SPNS1: variants seen among roughly 807,000 people sequenced by gnomAD.
SPNS1 encodes protein spinster homolog 1.
Under a neutral mutation model 50.3 loss-of-function variants are expected in SPNS1, and 22 were observed. The observed-to-expected ratio is 0.44, with a 90% CI of 0.31 to 0.62. The LOEUF is 0.62. SPNS1 is among the 20% of genes least tolerant of loss of function. SPNS1 has a pLI of 0.07. For synonymous variants in SPNS1, 295 were observed against 317.4 expected, an observed-to-expected ratio of 0.93 and a Z score of 0.75; for missense variants, 576 against 728.6, an observed-to-expected ratio of 0.79 and a Z score of 2.41.
At chr16:28,982,621 G>A (rs1377281121) in intron 8 of SPNS1, 76 bp downstream of exon 8, 2 of 1,474,508 alleles carry the variant, frequency 1.4e-6, no homozygotes, top group African/African-American at 2.8e-5. Flanking sequence ...GGCCACTCGA[G>A]GTGGAATGCC....
In SPNS1 at chr16:28,981,378, A is replaced by C. The variant is rs1045363514; in HGVS notation, c.664-92A>C. ...CACTTAACTGGGTATTTTAGGTCTCAGGCTGGAGTTATCTGTACCCCACAC... is the reference window on the plus strand; with the variant it reads ...CACTTAACTGGGTATTTTAGGTCTCCGGCTGGAGTTATCTGTACCCCACAC... On this transcript the variant is annotated intron_variant, in intron 5 of 11. Coordinates refer to ENST00000311008, the MANE Select transcript of SPNS1 (RefSeq NM_032038.3). The surrounding 1 kb of genome is among the most constrained non-coding windows in gnomAD (Gnocchi z 4.2). 47 of 1,519,088 alleles carry C rather than the reference A, an allele frequency of 3.1e-5. No homozygotes were observed. Among genetic ancestry groups the C allele is most frequent in the Middle Eastern group, 2.0e-4 (1 of 4,926 alleles). The allele number at this position is 1,519,088 out of a possible 1,614,324, so 94.1% of individuals were successfully genotyped here. A position where few individuals can be genotyped will look rare whatever the true frequency, so the allele number is the denominator to read the frequency against.
At chr16:28,975,589 G>T (rs373809494) in intron 2 of SPNS1, 32 bp downstream of exon 2, 1 of 1,611,624 alleles carries the variant, frequency 6.2e-7, no homozygotes, top group Non-Finnish European at 8.5e-7. Flanking sequence ...TCACACAGCC[G>T]CTCCTCCTTC....
At chr16:28,978,393 G>C (rs1220990195) in intron 3 of SPNS1, 1 of 206,932 alleles carries the variant, frequency 4.8e-6, no homozygotes, top group African/African-American at 2.3e-5. Context: ...TAAAAGAGCA[G>C]CCGGGGAGAT....
At position 28,974,819 on chromosome 16, in the gene SPNS1, G is replaced by T; in HGVS notation, c.-333G>T. The T allele has an allele frequency of 6.5e-7, 1 of 1,535,738 alleles. No homozygotes were observed. Among genetic ancestry groups the T allele is most frequent in the East Asian group, 2.4e-5 (1 of 41,034 alleles). ...GCAACATGGCGGCTGCCGTGGTGCAGCGCCCGGGCTGAGCGACAGCAAGTG... is the reference window on the plus strand; with the variant it reads ...GCAACATGGCGGCTGCCGTGGTGCATCGCCCGGGCTGAGCGACAGCAAGTG... On this transcript the variant is annotated 5_prime_UTR_variant, in exon 1 of 12. Coordinates refer to ENST00000311008, the MANE Select transcript of SPNS1 (RefSeq NM_032038.3).
rs370097774 is a variant in SPNS1 at position 28,975,567 on chromosome 16, G to A, written c.307+10G>A. 4.3e-6 allele frequency: 7 copies of A among 1,613,610 alleles called. No homozygotes were observed. Among genetic ancestry groups the A allele is most frequent in the Non-Finnish European group, 5.9e-6 (7 of 1,179,518 alleles). ...GGGCTCATCCAGACCGGTGAGTGGG[G>A]ACCACTCCTGGTCACACAGCCGCTC... On this transcript the variant is annotated intron_variant, in intron 2 of 11. Coordinates refer to ENST00000311008, the MANE Select transcript of SPNS1 (RefSeq NM_032038.3).
At position 28,981,081 on chromosome 16, in the gene SPNS1, C is replaced by T. The variant is rs1371211678; in HGVS notation, c.664-389C>T. Among the ~76,000 whole-genome samples, 2 of 152,152 alleles carry T rather than the reference C, an allele frequency of 1.3e-5. No individual in the cohort carries two copies. Among genetic ancestry groups the T allele is most frequent in the African/African-American group, 4.8e-5 (2 of 41,412 alleles). On this transcript the variant is annotated intron_variant, in intron 5 of 11. Transcript: ENST00000311008. This position sits in a 1 kb window ranked among gnomAD's most constrained non-coding sequence, Gnocchi z 4.2. Reference sequence around the variant, plus strand: ...ATTTAGCAACATTGGCACCTTGGACCCTGGGGCCGTGTTTCCAGGATAGCG... The same window carrying T: ...ATTTAGCAACATTGGCACCTTGGACTCTGGGGCCGTGTTTCCAGGATAGCG...
At chr16:28,980,299 A>G (rs899464975) in intron 5 of SPNS1, 1 of 147,586 alleles carries the variant, frequency 6.8e-6, no homozygotes, top group East Asian at 2.0e-4. Flanking sequence ...CACACACAAA[A>G]TTTTTTTTTT....
At chr16:28,975,624 C>A (rs890388405) in intron 2 of SPNS1, 67 bp downstream of exon 2, 2 of 1,568,444 alleles carry the variant, frequency 1.3e-6, no homozygotes, top group Non-Finnish European at 1.8e-6. Flanking sequence ...TGGGGCCACG[C>A]GCTGGCCTGT....
rs752702689 is a variant in SPNS1, at chr16:28,975,430, A to C, written c.241+38A>C. The C allele has an allele frequency of 4.3e-6, 7 of 1,614,190 alleles. No individual in the cohort carries two copies. The Admixed American group carries it at 6.7e-5, about 15-fold the overall frequency. ...TTCTGGGAGGAAGATAGTCTAGGAG[A>C]GGGGAGCCAGGGTCCCGAGGGTGGC... On this transcript the variant is annotated intron_variant, in intron 1 of 11. Coordinates refer to ENST00000311008, the MANE Select transcript of SPNS1 (RefSeq NM_032038.3).
intron 3 of SPNS1, chr16:28,978,376 G>C (rs543570017): frequency 3.0e-5 from 7 of 234,478 alleles, no homozygotes; most frequent in South Asian, 8.3e-5. Context: ...CGTGGTGCCA[G>C]TGTGGGTAAA....
chr16:28,983,073 C>A lies in SPNS1; in HGVS notation c.1222-119C>A. ...GCAGACCCCCGGCCTGCCCTGCGAC[C>A]TCAACCCCAGGCACACCTCTGACCC... On this transcript the variant is annotated intron_variant, in intron 9 of 11. Transcript: ENST00000311008. The surrounding 1 kb of genome is among the most constrained non-coding windows in gnomAD (Gnocchi z 5.4). 2 of 1,219,998 alleles carry A rather than the reference C, an allele frequency of 1.6e-6. No individual in the cohort carries two copies. The highest frequency in any genetic ancestry group is 2.4e-6 in the Non-Finnish European group (2 of 843,484). 75.6% of individuals were successfully genotyped at this position (1,219,998 alleles called of 1,614,324 possible). A position where few individuals can be genotyped will look rare whatever the true frequency, so the allele number is the denominator to read the frequency against.
chr16:28,983,173 T>C lies in SPNS1; in HGVS notation c.1222-19T>C. 6.3e-7 allele frequency: 1 copy of C among 1,590,436 alleles called. No individual in the cohort carries two copies. The highest frequency in any genetic ancestry group is 8.6e-7 in the Non-Finnish European group (1 of 1,161,290). On this transcript the variant is annotated intron_variant, in intron 9 of 11. Coordinates refer to ENST00000311008, the MANE Select transcript of SPNS1 (RefSeq NM_032038.3). The surrounding 1 kb of genome is among the most constrained non-coding windows in gnomAD (Gnocchi z 5.4). The stretch of plus-strand genomic sequence containing the variant: ...CTGGAGCCCAGAGCATCCACTGAGC[T>C]CCACCAACTCCTCCACAGTACGTGG...
Position 28,975,514 on chromosome 16 carries a change from G to T in SPNS1, c.264G>T (p.Gln88His), listed in dbSNP as rs767378768. The T allele has an allele frequency of 6.2e-7, 1 of 1,614,274 alleles. No individual in the cohort carries two copies. The highest frequency in any genetic ancestry group is 8.5e-7 in the Non-Finnish European group (1 of 1,180,050). Residue 88 changes from glutamine to histidine, a missense_variant, in exon 2 of 12, where the codon CAG becomes CAT. Transcript: ENST00000311008. ...CAGGCGTCCTTCCCGACATCGAGCA[G>T]TTCTTCAACATCGGGGACAGTAGCT... Reference protein sequence around the residue: ...TVAGVLPDIEQFFNIGDSSSG... With the variant: ...TVAGVLPDIEHFFNIGDSSSG...
In SPNS1 at chr16:28,984,200, C is replaced by T. The variant is rs375777872; in HGVS notation, c.1493-5C>T. The stretch of plus-strand genomic sequence containing the variant: ...CTCACCCTGGCTCTGACCCTCCCCC[C>T]TCAGGCCTGCTGCACGAAGCAGGGT... On this transcript the variant is annotated splice_polypyrimidine_tract_variant and splice_region_variant and intron_variant, in intron 11 of 11. Transcript: ENST00000311008. The T allele has an allele frequency of 1.9e-6, 3 of 1,564,388 alleles. No homozygotes were observed. The highest frequency in any genetic ancestry group is 2.7e-5 in the African/African-American group (2 of 73,840).
chr16:28,982,357 C>G lies in SPNS1; in HGVS notation c.967C>G (p.Leu323Val), dbSNP rs756519501. 1.9e-6 allele frequency: 3 copies of G among 1,579,636 alleles called. No homozygotes were observed. In the South Asian group the frequency reaches 3.5e-5, roughly 18 times the overall value. ...CCCATTCCCTTCCCTCACCCCTAGT[C>G]TCATCTTTGGACTCATCACCTGCCT... is the stretch of plus-strand genomic sequence containing the variant. ...PGDSCSSSDS[L>V]IFGLITCLTG... Residue 323 changes from leucine to valine, a missense_variant and splice_region_variant, in exon 8 of 12, where the codon CTC (leucine) becomes GTC (valine). Leu to Val is a conservative substitution (Grantham distance 32). This residue lies in a region of SPNS1 where 428 missense variants were observed against 520.1 expected (regional missense o/e 0.82). Coordinates refer to ENST00000311008, the MANE Select transcript of SPNS1 (RefSeq NM_032038.3).
intron 2 of SPNS1, among the ~76,000 whole-genome samples, chr16:28,976,765 G>A (rs1330853309): frequency 6.6e-6 from 1 of 152,170 alleles, no homozygotes; most frequent in Non-Finnish European, 1.5e-5. Flanking sequence ...CATAGGGCAA[G>A]GTCTTCAAAC....
At chr16:28,976,756 A>G (rs1489045857) in intron 2 of SPNS1, among the ~76,000 whole-genome samples, 2 of 152,200 alleles carry the variant, frequency 1.3e-5, no homozygotes, top group Non-Finnish European at 2.9e-5. Context: ...GAATGGGATC[A>G]TAGGGCAAGG....
Position 28,982,530 on chromosome 16 carries a change from C to A in SPNS1, c.1140C>A (p.Ser380Arg). The change falls in exon 8 of 12, where the codon AGC (serine) becomes AGA (arginine). Residue 380 changes from serine to arginine, a missense_variant. Transcript: ENST00000311008. Reference protein sequence around the residue: ...LFLSLACARGSIVATYIFIFI... With the variant: ...LFLSLACARGRIVATYIFIFI... Reference sequence around the variant, plus strand: ...TGTCCCTTGCCTGCGCCCGTGGTAGCATCGTGGCCACTTATGTGAGTAGCC... The same window carrying A: ...TGTCCCTTGCCTGCGCCCGTGGTAGAATCGTGGCCACTTATGTGAGTAGCC... 3.1e-6 allele frequency: 5 copies of A among 1,609,190 alleles called. No individual in the cohort carries two copies. Among genetic ancestry groups the A allele is most frequent in the Non-Finnish European group, 4.2e-6 (5 of 1,177,516 alleles).
intron 5 of SPNS1, 34 bp downstream of exon 5, chr16:28,979,505 G>A (rs191946718): frequency 6.2e-6 from 10 of 1,609,828 alleles, no homozygotes; most frequent in Admixed American, 3.3e-5. Flanking sequence ...GTAGGTCAGC[G>A]ACGTTCTCAC....
Sources: allele counts gnomAD v4.1 joint callset (sites outside exome capture counted in the v4.1 genomes callset), GRCh38; gene constraint gnomAD v4.1.1; regional missense constraint gnomAD v4.1.1; non-coding constraint Gnocchi (gnomAD v3.1); transcripts MANE v1.5; gene names NCBI Gene and HGNC (gene_info 2026-07-23, HGNC 2026-07-21).